TMEM63C: variants seen among roughly 807,000 people sequenced by gnomAD.
TMEM63C encodes transmembrane protein 63C.
In TMEM63C, 32 loss-of-function variants were observed where a neutral mutation model predicts 99.2. The observed-to-expected ratio is 0.32, with a 90% CI of 0.24 to 0.43. The LOEUF (loss-of-function observed/expected upper bound fraction) is 0.43, where lower values mean the gene tolerates loss of function less well. Among genes scored for constraint, TMEM63C ranks in the 20% least tolerant of loss-of-function variants. The pLI, the probability that TMEM63C is intolerant of heterozygous loss-of-function variation, is 1.00. For missense variants in TMEM63C, 826 were observed against 1,053.0 expected, an observed-to-expected ratio of 0.78 and a Z score of 2.98; for synonymous variants, 376 against 397.9, an observed-to-expected ratio of 0.94 and a Z score of 0.66.
At chr14:77,218,036 A>T (rs3952319) in intron 2 of TMEM63C, among the ~76,000 whole-genome samples, 23,156 of 152,106 alleles carry the variant, frequency 0.15, 1,778 homozygotes, top group South Asian at 0.19. Context: ...GGGTGACTAT[A>T]GTCAAAAATA....
At chr14:77,207,607 C>G (rs1248901515) in intron 1 of TMEM63C, among the ~76,000 whole-genome samples, 1 of 152,242 alleles carries the variant, frequency 6.6e-6, no homozygotes, top group African/African-American at 2.4e-5. Context: ...AGCTGTGTAA[C>G]TTTAGGCCAG....
chr14:77,232,038 A>G (rs938379825), intron 7 of TMEM63C, among the ~76,000 whole-genome samples: 1 of 152,174 alleles, frequency 6.6e-6, no homozygotes, highest in Non-Finnish European at 1.5e-5. Context: ...CTTTTGTGAC[A>G]TGTGACCCAC....
chr14:77,201,614 C>T lies in TMEM63C; in HGVS notation c.-76-11832C>T, dbSNP rs114369018. Among the ~76,000 whole-genome samples the T allele has an allele frequency of 2.9e-3, 445 of 152,292 alleles. 3 individuals carry two copies. Among genetic ancestry groups the T allele is most frequent in the African/African-American group, 0.01 (426 of 41,550 alleles). ...GGAGACAGAGATTCTCAGGCGCTACCCAAGACCTGTTGTGGCAGAAACCCT... is the reference window on the plus strand; with the variant it reads ...GGAGACAGAGATTCTCAGGCGCTACTCAAGACCTGTTGTGGCAGAAACCCT... On this transcript the variant is annotated intron_variant, in intron 1 of 23. Coordinates refer to ENST00000298351, the MANE Select transcript of TMEM63C (RefSeq NM_020431.4).
chr14:77,236,934 TCTCCACCCTCTCACCCTCCTCCACGCTG>T (rs1889071926), intron 9 of TMEM63C, among the ~76,000 whole-genome samples: 1 of 146,962 alleles, frequency 6.8e-6, no homozygotes. Flanking sequence ...CTCTCACCCT[TCTCCACCCTCTCACCCTCCTCCACGCTG>T]CTCCACCCTC....
chr14:77,204,247 A>T, intron 1 of TMEM63C, among the ~76,000 whole-genome samples: 1 of 151,546 alleles, frequency 6.6e-6, no homozygotes, highest in East Asian at 1.9e-4. Context: ...GATGCGCCAC[A>T]TTTTTTTTTT....
In TMEM63C at chr14:77,212,071, A is replaced by T. The variant is rs115587779; in HGVS notation, c.-76-1375A>T. ...AGAGGCTGGAAGGAGGAGTGTAGGG[A>T]CTGTGCAGTCTGGGCCCCTCACCAC... On this transcript the variant is annotated intron_variant, in intron 1 of 23. Coordinates refer to ENST00000298351, the MANE Select transcript of TMEM63C (RefSeq NM_020431.4). Among the ~76,000 whole-genome samples, 569 of 152,262 alleles carry T rather than the reference A, an allele frequency of 3.7e-3. 5 individuals are homozygous for T. The highest frequency in any genetic ancestry group is 0.013 in the African/African-American group (551 of 41,532).
At chr14:77,205,343 C>T (rs1300414266) in intron 1 of TMEM63C, among the ~76,000 whole-genome samples, 1 of 152,190 alleles carries the variant, frequency 6.6e-6, no homozygotes, top group Non-Finnish European at 1.5e-5. Context: ...GGGTTCGGTT[C>T]ATCTGTGAGC....
chr14:77,204,200 G>T (rs1287552289), intron 1 of TMEM63C, among the ~76,000 whole-genome samples: 2 of 152,222 alleles, frequency 1.3e-5, no homozygotes, highest in Non-Finnish European at 2.9e-5. Flanking sequence ...TCACCCAGTT[G>T]TGGTGAATGT....
intron 21 of TMEM63C, among the ~76,000 whole-genome samples, chr14:77,250,594 C>T (rs1889344650): frequency 6.6e-6 from 1 of 152,072 alleles, no homozygotes; most frequent in African/African-American, 2.4e-5. Context: ...CGGGTGCCAC[C>T]ACGCCCCGCT....
At chr14:77,225,247 C>T (rs1017278681) in intron 5 of TMEM63C, among the ~76,000 whole-genome samples, 177 bp from the exon 6 acceptor site, 12 of 152,224 alleles carry the variant, frequency 7.9e-5, no homozygotes, top group Non-Finnish European at 1.3e-4. Context: ...TCCAGGGAAG[C>T]ATCTCCCTCC....
Position 77,189,104 on chromosome 14 carries a change from C to A in TMEM63C, c.-77+7210C>A, listed in dbSNP as rs565378022. ...TACCATTAAGTGAAACTTTAATTTT[C>A]TTTTTCTTTTTCTTTTTTTTTTTGA... On this transcript the variant is annotated intron_variant, in intron 1 of 23. Coordinates refer to ENST00000298351, the MANE Select transcript of TMEM63C (RefSeq NM_020431.4). 2.0e-5 allele frequency among the ~76,000 whole-genome samples: 3 copies of A among 150,098 alleles called. No homozygotes were observed. In the East Asian group the frequency reaches 6.4e-4, roughly 32 times the overall value.
intron 1 of TMEM63C, among the ~76,000 whole-genome samples, chr14:77,204,662 G>A (rs1344229740): frequency 6.6e-6 from 1 of 152,138 alleles, no homozygotes; most frequent in East Asian, 1.9e-4. Flanking sequence ...ACGTCATCCC[G>A]TAAACAACAT....
intron 22 of TMEM63C, among the ~76,000 whole-genome samples, chr14:77,252,896 G>T (rs892821183): frequency 6.6e-6 from 1 of 152,224 alleles, no homozygotes; most frequent in African/African-American, 2.4e-5. Flanking sequence ...GATTGGGTTG[G>T]CCAGGTGTCC....
chr14:77,240,427 C>A (rs369988214), intron 12 of TMEM63C, 48 bp from the exon 13 acceptor site: 91 of 1,567,218 alleles, frequency 5.8e-5, no homozygotes, highest in Non-Finnish European at 7.7e-5. Flanking sequence ...ACCAGGGAGG[C>A]CTTCCTGGGG....
chr14:77,235,461 TG>T (rs764831623), intron 8 of TMEM63C, among the ~76,000 whole-genome samples: 2,646 of 9,512 alleles, frequency 0.28, 973 homozygotes, highest in Admixed American at 0.34. Flanking sequence ...GGTGGGGGTC[TG>T]GGGAGACTGT....
In TMEM63C at chr14:77,216,741, A is replaced by G. The variant is rs552973553; in HGVS notation, c.-13-2060A>G. The stretch of plus-strand genomic sequence containing the variant: ...GGCTCCACATTCAGAATATTTCCAA[A>G]ATCTGAGCACGTCTCTCACCTCCAC... On this transcript the variant is annotated intron_variant, in intron 2 of 23. Coordinates refer to ENST00000298351, the MANE Select transcript of TMEM63C (RefSeq NM_020431.4). Among the ~76,000 whole-genome samples, 3 of 152,132 alleles carry G rather than the reference A, an allele frequency of 2.0e-5. No homozygotes were observed. The East Asian group carries it at 5.8e-4, about 29-fold the overall frequency.
chr14:77,202,640 G>A (rs919174278), intron 1 of TMEM63C, among the ~76,000 whole-genome samples: 5 of 152,060 alleles, frequency 3.3e-5, no homozygotes, highest in African/African-American at 4.8e-5. Context: ...GACACCAGTC[G>A]TTGGATTCAG....
intron 23 of TMEM63C, 76 bp downstream of exon 23, chr14:77,253,452 G>T: frequency 1.4e-6 from 2 of 1,411,004 alleles, no homozygotes; most frequent in Non-Finnish European, 2.0e-6. Flanking sequence ...CATTGTGGGG[G>T]ATGCCAGCTT....
intron 1 of TMEM63C, among the ~76,000 whole-genome samples, chr14:77,198,231 T>A (rs968624895): frequency 6.6e-6 from 1 of 152,154 alleles, no homozygotes; most frequent in Non-Finnish European, 1.5e-5. Context: ...ATGGCTCAGG[T>A]GGGAAGCCTG....
Sources: allele counts gnomAD v4.1 joint callset (sites outside exome capture counted in the v4.1 genomes callset), GRCh38; gene constraint gnomAD v4.1.1; transcripts MANE v1.5; gene names NCBI Gene and HGNC (gene_info 2026-07-23, HGNC 2026-07-21).